The following PIAS1 variants were observed in gnomAD, a reference collection of about 807,000 sequenced individuals.
PIAS1 encodes E3 SUMO-protein ligase PIAS1.
A neutral mutation model predicts 71.3 loss-of-function variants in PIAS1; 6 were observed. The ratio of observed to expected loss-of-function variants is 0.08; its 90% CI spans 0.05 to 0.17. PIAS1 has a LOEUF of 0.17. Ranked by LOEUF, PIAS1 falls within the 10% of genes least tolerant of loss-of-function variation. PIAS1 has a pLI of 1.00. For synonymous variants in PIAS1, 303 were observed against 292.9 expected (o/e 1.03, Z -0.35); for missense variants, 555 against 793.6 (o/e 0.70, Z 3.61).
intron 1 of PIAS1, among the ~76,000 whole-genome samples, chr15:68,065,589 A>G (rs886655848): frequency 8.2e-5 from 6 of 73,182 alleles, no homozygotes; most frequent in African/African-American, 1.6e-4. Context: ...CTGTCTCGAG[A>G]AAAAAAAAAA....
At chr15:68,101,805 G>A (rs1160547074) in intron 2 of PIAS1, among the ~76,000 whole-genome samples, 1 of 152,058 alleles carries the variant, frequency 6.6e-6, no homozygotes, top group Non-Finnish European at 1.5e-5. Context: ...CTGGAATGCA[G>A]TGGCATGTGA....
chr15:68,160,977 A>G (rs2092920371), intron 7 of PIAS1, among the ~76,000 whole-genome samples: 1 of 152,186 alleles, frequency 6.6e-6, no homozygotes. Context: ...TTAAAAAAGA[A>G]ACCAACACAC....
chr15:68,181,494 T>C (rs1415419668), intron 12 of PIAS1, 140 bp downstream of exon 12: 1 of 711,418 alleles, frequency 1.4e-6, no homozygotes, highest in Non-Finnish European at 2.3e-6. Flanking sequence ...AGAGAAATAA[T>C]ATGCCGTTGT....
At chr15:68,116,798 A>G (rs913172746) in intron 2 of PIAS1, among the ~76,000 whole-genome samples, 1 of 152,066 alleles carries the variant, frequency 6.6e-6, no homozygotes, top group Non-Finnish European at 1.5e-5. Context: ...TCAGTTCAAA[A>G]TATTTTGTAG....
intron 2 of PIAS1, among the ~76,000 whole-genome samples, chr15:68,122,823 T>C (rs1423626237): frequency 6.6e-6 from 1 of 152,146 alleles, no homozygotes; most frequent in Non-Finnish European, 1.5e-5. Context: ...GTCACTATTT[T>C]TTCAAAACTT....
chr15:68,134,771 T>C (rs58074390), intron 2 of PIAS1, among the ~76,000 whole-genome samples: 3 of 34,554 alleles, frequency 8.7e-5, no homozygotes, highest in Admixed American at 2.3e-4. Context: ...GAGGGGCTCC[T>C]CACTTCCCAG....
intron 2 of PIAS1, among the ~76,000 whole-genome samples, chr15:68,106,920 A>C (rs944608038): frequency 6.6e-6 from 1 of 152,168 alleles, no homozygotes. Flanking sequence ...ATGTTGGGTT[A>C]TATTTAGGGG....
intron 4 of PIAS1, among the ~76,000 whole-genome samples, chr15:68,143,127 G>A (rs567145193): frequency 4.6e-5 from 7 of 150,994 alleles, no homozygotes; most frequent in South Asian, 4.2e-4. Flanking sequence ...TTTATTATTC[G>A]ATTTACCAAC....
intron 4 of PIAS1, among the ~76,000 whole-genome samples, chr15:68,143,731 A>G (rs1186750179): frequency 6.6e-6 from 1 of 152,042 alleles, no homozygotes; most frequent in African/African-American, 2.4e-5. Context: ...TATCCTTTAA[A>G]TCAGTGGTTT....
At chr15:68,123,024 T>A (rs985561561) in intron 2 of PIAS1, among the ~76,000 whole-genome samples, 5 of 150,330 alleles carry the variant, frequency 3.3e-5, no homozygotes, top group Non-Finnish European at 5.9e-5. Context: ...AATCTCAGAG[T>A]GTTATACATA....
chr15:68,119,306 G>C (rs921845190), intron 2 of PIAS1, among the ~76,000 whole-genome samples: 1 of 138,662 alleles, frequency 7.2e-6, no homozygotes. Context: ...TACTCCAGAC[G>C]TGGTGGCGCA....
intron 2 of PIAS1, among the ~76,000 whole-genome samples, chr15:68,138,543 C>T (rs531376886): frequency 8.0e-4 from 122 of 152,270 alleles, no homozygotes; most frequent in African/African-American, 2.8e-3. Context: ...GCGGCGATCT[C>T]GGCTCACTGC....
In PIAS1 at chr15:68,171,869, C is replaced by T. The variant is rs2141087677; in HGVS notation, c.1009-1863C>T. Among the ~76,000 whole-genome samples, 1 of 151,940 alleles carries T rather than the reference C, an allele frequency of 6.6e-6. No homozygotes were observed. The highest frequency in any genetic ancestry group is 2.4e-5 in the African/African-American group (1 of 41,484). Reference sequence around the variant, plus strand: ...CCAAGAATCTTTTCCTCATTTAACTCATATTCTTTTCAAGCCTTTATATTT... The same window carrying T: ...CCAAGAATCTTTTCCTCATTTAACTTATATTCTTTTCAAGCCTTTATATTT... On this transcript the variant is annotated intron_variant, in intron 8 of 13. Transcript: ENST00000249636. This position sits in a 1 kb window ranked among gnomAD's most constrained non-coding sequence, Gnocchi z 4.4.
intron 2 of PIAS1, among the ~76,000 whole-genome samples, chr15:68,111,353 T>C (rs184649363): frequency 2.1e-4 from 32 of 152,218 alleles, no homozygotes; most frequent in African/African-American, 5.1e-4. Flanking sequence ...AAAATAAGAA[T>C]AGCCAGAGGA....
chr15:68,135,937 G>T (rs1186418624), intron 2 of PIAS1, among the ~76,000 whole-genome samples: 1 of 37,420 alleles, frequency 2.7e-5, no homozygotes, highest in Non-Finnish European at 1.1e-4. Flanking sequence ...CCGCGGGGCA[G>T]AGGCGCTCCC....
intron 1 of PIAS1, among the ~76,000 whole-genome samples, chr15:68,061,008 T>C (rs1276648284): frequency 2.6e-5 from 4 of 152,354 alleles, no homozygotes; most frequent in Non-Finnish European, 5.9e-5. Context: ...AAAGATAACA[T>C]AGGCAATGAA....
chr15:68,138,178 A>G (rs2092746592), intron 2 of PIAS1, among the ~76,000 whole-genome samples: 1 of 152,106 alleles, frequency 6.6e-6, no homozygotes, highest in Admixed American at 6.6e-5. Flanking sequence ...AACCAAAGAA[A>G]TAAAGCTTCT....
intron 2 of PIAS1, among the ~76,000 whole-genome samples, chr15:68,102,339 C>T (rs2092434375): frequency 6.6e-6 from 1 of 152,152 alleles, no homozygotes; most frequent in Non-Finnish European, 1.5e-5. Flanking sequence ...CCACCATTAC[C>T]ACATGGTCTT....
chr15:68,101,084 G>T (rs2140998504), intron 2 of PIAS1, among the ~76,000 whole-genome samples: 1 of 151,986 alleles, frequency 6.6e-6, no homozygotes, highest in South Asian at 2.1e-4. Flanking sequence ...ATTTTCTGTA[G>T]AGACAGGGTT....
Sources: gnomAD v4.1 joint callset for allele counts (sites outside exome capture counted in the v4.1 genomes callset) on GRCh38, gnomAD v4.1.1 for gene constraint, Gnocchi (gnomAD v3.1) non-coding constraint, MANE v1.5 for transcripts, NCBI Gene and HGNC (gene_info 2026-07-23, HGNC 2026-07-21) for gene names.